Variants in TANC1 observed in about 807,000 individuals in gnomAD.
TANC1 encodes the protein tetratricopeptide repeat, ankyrin repeat and coiled-coil containing 1, also known as protein TANC1.
A neutral mutation model predicts 149.7 loss-of-function variants in TANC1; 77 were observed. The observed-to-expected ratio is 0.51, with a 90% CI of 0.43 to 0.62. The LOEUF is 0.62. Among genes scored for constraint, TANC1 ranks in the 20% least tolerant of loss-of-function variants. TANC1 has a pLI of 0.00. For missense variants in TANC1, 1,985 were observed against 2,321.8 expected, an observed-to-expected ratio of 0.85 and a Z score of 2.98; for synonymous variants, 854 against 925.0, an observed-to-expected ratio of 0.92 and a Z score of 1.39.
At chr2:159,202,151 C>A (rs2058293066) in intron 19 of TANC1, among the ~76,000 whole-genome samples, 2 of 152,158 alleles carry the variant, frequency 1.3e-5, no homozygotes, top group Admixed American at 1.3e-4. Flanking sequence ...AACAGCAGCC[C>A]CGTGGAGGTC....
intron 24 of TANC1, chr2:159,227,602 G>GTT (rs2060092653): frequency 1.8e-6 from 1 of 553,386 alleles, no homozygotes; most frequent in African/African-American, 1.9e-5. Flanking sequence ...TTCTCACTGT[G>GTT]TAACCACAGG....
intron 4 of TANC1, among the ~76,000 whole-genome samples, chr2:159,124,129 G>A (rs745517494): frequency 2.0e-5 from 3 of 152,076 alleles, no homozygotes; most frequent in African/African-American, 2.4e-5. Flanking sequence ...AAGCTGAGGC[G>A]GGCGGATCAT....
At chr2:159,161,463 A>C (rs981522951) in intron 7 of TANC1, among the ~76,000 whole-genome samples, 5 of 152,218 alleles carry the variant, frequency 3.3e-5, no homozygotes, top group African/African-American at 1.2e-4. Context: ...GTAACACCAC[A>C]ATCTGTGTTA....
rs1269637889 is a variant in TANC1 at position 159,231,723 on chromosome 2, T to G, written c.*711T>G. 6.6e-6 allele frequency: 1 copy of G among 152,100 alleles called. No homozygotes were observed. Among genetic ancestry groups the G allele is most frequent in the Non-Finnish European group, 1.5e-5 (1 of 68,008 alleles). The allele number at this position is 152,100 out of a possible 1,614,324, so 9.4% of individuals were successfully genotyped here. A position where few individuals can be genotyped will look rare whatever the true frequency, so the allele number is the denominator to read the frequency against. On this transcript the variant is annotated 3_prime_UTR_variant, in exon 27 of 27. Coordinates refer to ENST00000263635, the MANE Select transcript of TANC1 (RefSeq NM_033394.3). ...TGGAAACAGTATAAGCCATTTGGAG[T>G]CATGATTGGTGGTCAAGTGGATTCA...
At chr2:159,126,288 T>G (rs1195644887) in intron 4 of TANC1, among the ~76,000 whole-genome samples, 1 of 152,140 alleles carries the variant, frequency 6.6e-6, no homozygotes, top group Non-Finnish European at 1.5e-5. Context: ...ACTTAACAAT[T>G]CCTGGGAATC....
intron 19 of TANC1, among the ~76,000 whole-genome samples, chr2:159,216,642 G>T (rs55989310): frequency 1.8e-4 from 27 of 152,230 alleles, no homozygotes; most frequent in African/African-American, 6.0e-4. Context: ...TGAGTACCCC[G>T]CCTCGTTGTC....
intron 2 of TANC1, among the ~76,000 whole-genome samples, chr2:159,046,713 A>G (rs1420452556): frequency 1.4e-5 from 2 of 138,748 alleles, no homozygotes; most frequent in Admixed American, 1.6e-4. Context: ...CGATCCTCCC[A>G]CCTCAGACCC....
chr2:158,981,543 A>AT (rs58329621), intron 1 of TANC1, among the ~76,000 whole-genome samples: 85 of 101,410 alleles, frequency 8.4e-4, no homozygotes, highest in Non-Finnish European at 1.4e-3. Flanking sequence ...ATATATATAT[A>AT]AAGAAGTAAC....
intron 1 of TANC1, among the ~76,000 whole-genome samples, chr2:158,988,380 CT>C (rs1265788957): frequency 6.7e-6 from 1 of 149,610 alleles, no homozygotes; most frequent in Non-Finnish European, 1.5e-5. Flanking sequence ...GCTTGTGTGT[CT>C]TTTTTGTTGG....
At chr2:159,022,163 G>A (rs943780278) in intron 2 of TANC1, among the ~76,000 whole-genome samples, 2 of 152,208 alleles carry the variant, frequency 1.3e-5, no homozygotes, top group Non-Finnish European at 2.9e-5. Flanking sequence ...GGCTGATGGA[G>A]TAATGTCACT....
At chr2:158,988,549 C>T (rs1164353258) in intron 1 of TANC1, among the ~76,000 whole-genome samples, 3 of 152,116 alleles carry the variant, frequency 2.0e-5, no homozygotes, top group Non-Finnish European at 4.4e-5. Flanking sequence ...GCCGTTACTA[C>T]TTCCTGTTGC....
intron 3 of TANC1, among the ~76,000 whole-genome samples, chr2:159,073,160 C>G (rs2043307927): frequency 6.6e-6 from 1 of 152,204 alleles, no homozygotes; most frequent in Admixed American, 6.5e-5. Flanking sequence ...AATGTTATCT[C>G]AACACATCCT....
intron 1 of TANC1, among the ~76,000 whole-genome samples, chr2:158,980,852 G>A (rs1312373772): frequency 6.6e-6 from 1 of 151,794 alleles, no homozygotes; most frequent in Non-Finnish European, 1.5e-5. Context: ...TTCAATCAAG[G>A]TTCACATTGC....
intron 5 of TANC1, chr2:159,147,775 C>T (rs1246543521): frequency 6.6e-6 from 1 of 152,244 alleles, no homozygotes; most frequent in African/African-American, 2.4e-5. Flanking sequence ...GCAAACCATT[C>T]TTCCTACTCC....
chr2:159,187,738 C>A (rs1371277315), intron 16 of TANC1, among the ~76,000 whole-genome samples: 1 of 152,128 alleles, frequency 6.6e-6, no homozygotes, highest in Non-Finnish European at 1.5e-5. Context: ...GCCAGGTCTT[C>A]CCCCCGAATC....
intron 4 of TANC1, among the ~76,000 whole-genome samples, chr2:159,130,074 G>A (rs976120486): frequency 1.3e-5 from 2 of 152,334 alleles, no homozygotes; most frequent in Admixed American, 1.3e-4. Context: ...CAGCCCTGGA[G>A]ACATGCCAGC....
chr2:159,031,253 G>A (rs1037832901), intron 2 of TANC1, among the ~76,000 whole-genome samples: 1 of 152,200 alleles, frequency 6.6e-6, no homozygotes, highest in African/African-American at 2.4e-5. Context: ...AGAAATTCCC[G>A]CTGGGTTGAG....
chr2:159,181,588 C>T lies in TANC1; in HGVS notation c.2510+2425C>T, dbSNP rs140869814. Among the ~76,000 whole-genome samples, 465 of 152,362 alleles carry T rather than the reference C, an allele frequency of 3.1e-3. 3 individuals are homozygous for T. Among genetic ancestry groups the T allele is most frequent in the African/African-American group, 0.011 (443 of 41,586 alleles). ...CTGGGATTACAGGCGTGAGCCACTGCGCCCGGCCCCCTCGTTAGATTTTTA... is the reference window on the plus strand; with the variant it reads ...CTGGGATTACAGGCGTGAGCCACTGTGCCCGGCCCCCTCGTTAGATTTTTA... On this transcript the variant is annotated intron_variant, in intron 14 of 26. Coordinates refer to ENST00000263635, the MANE Select transcript of TANC1 (RefSeq NM_033394.3).
chr2:159,194,171 T>C (rs75263328), intron 16 of TANC1, 86 bp from the exon 17 acceptor site: 64,730 of 1,024,318 alleles, frequency 0.063, 2,506 homozygotes, highest in Non-Finnish European at 0.08. Flanking sequence ...ATTAAAATGA[T>C]ACCGAAAATT....
Sources: allele counts gnomAD v4.1 joint callset (sites outside exome capture counted in the v4.1 genomes callset), GRCh38; gene constraint gnomAD v4.1.1; transcripts MANE v1.5; gene names NCBI Gene and HGNC (gene_info 2026-07-23, HGNC 2026-07-21).